Variants in RBFOX1 observed in about 807,000 individuals in gnomAD.
RBFOX1 encodes RNA binding protein fox-1 homolog 1.
Under a neutral mutation model 57.7 loss-of-function variants are expected in RBFOX1, and 8 were observed. The observed-to-expected ratio is 0.14, with a 90% CI of 0.08 to 0.25. The LOEUF (loss-of-function observed/expected upper bound fraction) is 0.25. Among genes scored for constraint, RBFOX1 ranks in the 10% least tolerant of loss-of-function variants. The pLI, the probability that RBFOX1 is intolerant of heterozygous loss-of-function variation, is 1.00. For missense variants in RBFOX1, 611 were observed against 548.5 expected, an observed-to-expected ratio of 1.11 and a Z score of -1.14; for synonymous variants, 326 against 222.4, an observed-to-expected ratio of 1.47 and a Z score of -4.15.
intron 1 of RBFOX1, among the ~76,000 whole-genome samples, chr16:6,163,372 G>C (rs1014440646): frequency 5.9e-5 from 9 of 152,162 alleles, no homozygotes; most frequent in Non-Finnish European, 1.2e-4. Flanking sequence ...TTTCATCTGG[G>C]AATTTCATTT....
At chr16:6,880,984 G>C (rs148160928) in intron 3 of RBFOX1, among the ~76,000 whole-genome samples, 1 of 152,160 alleles carries the variant, frequency 6.6e-6, no homozygotes, top group South Asian at 2.1e-4. Flanking sequence ...TGAATACACA[G>C]TGAGAGCCTA....
intron 3 of RBFOX1, among the ~76,000 whole-genome samples, chr16:6,676,626 T>C (rs2057739373): frequency 6.6e-6 from 1 of 152,064 alleles, no homozygotes; most frequent in African/African-American, 2.4e-5. Flanking sequence ...CCTTTACAGA[T>C]GTTATTCTCA....
intron 4 of RBFOX1, among the ~76,000 whole-genome samples, chr16:7,109,398 C>G (rs952634734): frequency 2.0e-5 from 3 of 152,102 alleles, no homozygotes; most frequent in African/African-American, 7.2e-5. Flanking sequence ...TATTGAGTTA[C>G]CAACTGCCTC....
chr16:7,161,754 G>T (rs1376177881), intron 4 of RBFOX1, among the ~76,000 whole-genome samples: 1 of 152,178 alleles, frequency 6.6e-6, no homozygotes, highest in Non-Finnish European at 1.5e-5. Flanking sequence ...CTAGAATCTT[G>T]CAAGAATACA....
intron 3 of RBFOX1, among the ~76,000 whole-genome samples, chr16:6,811,689 A>G (rs189476126): frequency 6.6e-6 from 1 of 152,146 alleles, no homozygotes; most frequent in Non-Finnish European, 1.5e-5. Flanking sequence ...CAGGAGTTTA[A>G]GACTAGCCTG....
At chr16:7,254,829 C>G (rs901434339) in intron 4 of RBFOX1, among the ~76,000 whole-genome samples, 1 of 151,996 alleles carries the variant, frequency 6.6e-6, no homozygotes, top group Admixed American at 6.5e-5. Context: ...AAGAAAAAGA[C>G]TGGAAGTTTA....
At chr16:6,931,326 T>C (rs1398161055) in intron 3 of RBFOX1, among the ~76,000 whole-genome samples, 1 of 124,230 alleles carries the variant, frequency 8.0e-6, no homozygotes, top group African/African-American at 3.5e-5. Flanking sequence ...TCTATCTATC[T>C]ATCTATCTAT....
At chr16:7,372,378 A>T (rs1177387292) in intron 4 of RBFOX1, among the ~76,000 whole-genome samples, 31 of 152,256 alleles carry the variant, frequency 2.0e-4, no homozygotes, top group Non-Finnish European at 5.9e-5. Flanking sequence ...CAGGCATCTG[A>T]TACTTGCCTT....
intron 4 of RBFOX1, among the ~76,000 whole-genome samples, chr16:7,068,983 A>G (rs1178381022): frequency 6.6e-6 from 1 of 152,202 alleles, no homozygotes; most frequent in Non-Finnish European, 1.5e-5. Context: ...AATTATTAAA[A>G]CCAGAAGCAT....
chr16:6,859,129 A>ATATATATATATATATATG (rs1567592071), intron 3 of RBFOX1, among the ~76,000 whole-genome samples: 32 of 75,656 alleles, frequency 4.2e-4, no homozygotes, highest in Admixed American at 9.9e-4. Flanking sequence ...ATATATATAT[A>ATATATATATATATATATG]CATATATATA....
intron 2 of RBFOX1, among the ~76,000 whole-genome samples, chr16:6,522,742 GTCT>G (rs1230063875): frequency 7.9e-5 from 12 of 152,124 alleles, no homozygotes; most frequent in South Asian, 4.1e-4. Flanking sequence ...ACTGAATTGT[GTCT>G]TCTTCTGCTT....
At chr16:7,665,400 C>T (rs984643249) in intron 13 of RBFOX1, among the ~76,000 whole-genome samples, 1 of 152,166 alleles carries the variant, frequency 6.6e-6, no homozygotes, top group African/African-American at 2.4e-5. Context: ...TAAAATATCA[C>T]AGTAGCCTTA....
chr16:6,523,642 CA>C (rs2096539211), intron 2 of RBFOX1, among the ~76,000 whole-genome samples: 2 of 152,052 alleles, frequency 1.3e-5, no homozygotes, highest in Admixed American at 1.3e-4. Context: ...ATCCAATCTT[CA>C]AATACATCAT....
chr16:5,503,410 G>C (rs1023165171), intron 2 of RBFOX1, among the ~76,000 whole-genome samples: 2 of 152,140 alleles, frequency 1.3e-5, no homozygotes, highest in Non-Finnish European at 2.9e-5. Context: ...TCAATTTCAA[G>C]TGTACAAGAC....
chr16:7,121,899 A>G (rs1036177264), intron 4 of RBFOX1, among the ~76,000 whole-genome samples: 1 of 151,794 alleles, frequency 6.6e-6, no homozygotes, highest in Non-Finnish European at 1.5e-5. Flanking sequence ...ATTAAATCTT[A>G]GAAAAGGTAC....
downstream of RBFOX1, among the ~76,000 whole-genome samples, chr16:5,604,700 G>C (rs574022217): frequency 2.4e-4 from 36 of 152,268 alleles, no homozygotes; most frequent in African/African-American, 7.9e-4. Flanking sequence ...ACAGTCCCGA[G>C]ATGAGTCTGG....
At chr16:5,835,750 C>G (rs1302016491) in intron 3 of RBFOX1, among the ~76,000 whole-genome samples, 1 of 152,246 alleles carries the variant, frequency 6.6e-6, no homozygotes, top group East Asian at 1.9e-4. Flanking sequence ...CTTGATTAAA[C>G]TCAATTTGGC....
At chr16:5,500,196 C>T (rs2043143157) in intron 2 of RBFOX1, among the ~76,000 whole-genome samples, 1 of 83,408 alleles carries the variant, frequency 1.2e-5, no homozygotes, top group Non-Finnish European at 2.0e-5. Flanking sequence ...TCCCTCCCTT[C>T]ATTCCATTCC....
At chr16:6,537,139 A>G (rs2096746306) in intron 2 of RBFOX1, among the ~76,000 whole-genome samples, 1 of 152,126 alleles carries the variant, frequency 6.6e-6, no homozygotes. Context: ...TAGTGAGCAC[A>G]GGGATCTTTC....
Sources: gnomAD v4.1 joint callset for allele counts (sites outside exome capture counted in the v4.1 genomes callset) on GRCh38, gnomAD v4.1.1 for gene constraint, MANE v1.5 for transcripts, NCBI Gene and HGNC (gene_info 2026-07-23, HGNC 2026-07-21) for gene names.